The following CADPS variants were observed in gnomAD, a reference collection of about 807,000 sequenced individuals.
The protein encoded by CADPS is calcium-dependent secretion activator 1.
In CADPS, 57 loss-of-function variants were observed where a neutral mutation model predicts 167.3. That is an observed-to-expected ratio of 0.34 (90% CI 0.28 to 0.42). The LOEUF (loss-of-function observed/expected upper bound fraction) is 0.42. CADPS is among the 20% of genes least tolerant of loss of function. CADPS has a pLI of 1.00. For missense variants in CADPS, 1,414 were observed against 1,738.1 expected, an observed-to-expected ratio of 0.81 and a Z score of 3.32; for synonymous variants, 676 against 635.3, an observed-to-expected ratio of 1.06 and a Z score of -0.96.
chr3:62,419,732 G>T (rs1271245072), intron 28 of CADPS, among the ~76,000 whole-genome samples: 1 of 151,974 alleles, frequency 6.6e-6, no homozygotes, highest in East Asian at 1.9e-4. Context: ...GCATTAATTC[G>T]CAAGCAGATT....
rs749894879 is a variant in CADPS at position 62,399,552 on chromosome 3, G to C, written c.3916C>G (p.Leu1306Val). 6.2e-7 allele frequency: 1 copy of C among 1,614,048 alleles called. No homozygotes were observed. The highest frequency in any genetic ancestry group is 8.5e-7 in the Non-Finnish European group (1 of 1,179,942). ...GTCTTGCTGTTTAAGGTGGAGTCCA[G>C]GACCCCTTGCAATCGGAAATCTCTG... The part of the protein sequence containing the change: ...TYRDFRLQGV[L>V]DSTLNSKTYE... The change falls in exon 30 of 30, where the codon CTG (leucine) becomes GTG (valine). Residue 1306 changes from leucine to valine, a missense_variant. Around this residue, in one of 6 missense-constraint regions of CADPS, gnomAD observed 185 missense variants for 251.5 expected, o/e 0.74. Coordinates refer to ENST00000383710, the MANE Select transcript of CADPS (RefSeq NM_003716.4). This position sits in a 1 kb window ranked among gnomAD's most constrained non-coding sequence, Gnocchi z 5.6.
At position 62,861,348 on chromosome 3, in the gene CADPS, T is replaced by TA. The variant is rs112791457; in HGVS notation, c.441+13240dup. On this transcript the variant is annotated intron_variant, in intron 1 of 29. Transcript: ENST00000383710. Reference sequence around the variant, plus strand: ...CCTTGCTTTACATTTTTAGAATTTGTAAAAAAAAATGAACATTCATAGCCC... The same window carrying TA: ...CCTTGCTTTACATTTTTAGAATTTGTAAAAAAAAAATGAACATTCATAGCCC... Among the ~76,000 whole-genome samples the TA allele has an allele frequency of 3.7e-3, 557 of 151,216 alleles. 5 individuals carry two copies. Among genetic ancestry groups the TA allele is most frequent in the African/African-American group, 0.011 (455 of 41,204 alleles).
At chr3:62,585,516 G>C (rs1014139141) in intron 7 of CADPS, among the ~76,000 whole-genome samples, 192 bp from the exon 8 acceptor site, 2 of 152,118 alleles carry the variant, frequency 1.3e-5, no homozygotes, top group Admixed American at 1.3e-4. Context: ...CTGTAATTCT[G>C]TGATGATTCT....
At chr3:62,839,199 G>C (rs1577123408) in intron 1 of CADPS, among the ~76,000 whole-genome samples, 1 of 152,034 alleles carries the variant, frequency 6.6e-6, no homozygotes, top group African/African-American at 2.4e-5. Flanking sequence ...GGACTATTTT[G>C]TTGTTGTTTT....
Position 62,790,712 on chromosome 3 carries a change from T to C in CADPS, c.442-24728A>G, listed in dbSNP as rs116467098. On this transcript the variant is annotated intron_variant, in intron 1 of 29. Coordinates refer to ENST00000383710, the MANE Select transcript of CADPS (RefSeq NM_003716.4). ...TGATTTTTAAGGATATTGTCAATGA[T>C]CAAAAGTTATTTTCCTTGCTCTATT... Among the ~76,000 whole-genome samples, 788 of 152,292 alleles carry C rather than the reference T, an allele frequency of 5.2e-3. 12 individuals carry two copies. Among genetic ancestry groups the C allele is most frequent in the African/African-American group, 0.018 (738 of 41,556 alleles).
chr3:62,556,777 G>T lies in CADPS; in HGVS notation c.1753+628C>A, dbSNP rs144694327. Among the ~76,000 whole-genome samples, 16 of 151,708 alleles carry T rather than the reference G, an allele frequency of 1.1e-4. No homozygotes were observed. The East Asian group carries it at 2.5e-3, about 24-fold the overall frequency. ...TGTAGAACTTTTAAGAAATACTACC[G>T]CTCGTGTAGTTTTCTTAGCTACATA... On this transcript the variant is annotated intron_variant, in intron 10 of 29. Coordinates refer to ENST00000383710, the MANE Select transcript of CADPS (RefSeq NM_003716.4).
intron 1 of CADPS, among the ~76,000 whole-genome samples, chr3:62,820,861 T>C (rs1029987099): frequency 8.0e-5 from 12 of 150,128 alleles, no homozygotes; most frequent in Non-Finnish European, 1.8e-4. Flanking sequence ...AGTGCAGTGG[T>C]GCGATCTTGG....
At chr3:62,642,498 A>C (rs994211344) in intron 6 of CADPS, among the ~76,000 whole-genome samples, 1 of 152,190 alleles carries the variant, frequency 6.6e-6, no homozygotes, top group African/African-American at 2.4e-5. Flanking sequence ...GGAGAAAAGG[A>C]GAAGAAATAA....
chr3:62,745,756 A>G (rs2081317731), intron 3 of CADPS, among the ~76,000 whole-genome samples: 1 of 152,224 alleles, frequency 6.6e-6, no homozygotes, highest in South Asian at 2.1e-4. Flanking sequence ...AAGCTCCTTG[A>G]GGCCATAACT....
chr3:62,638,077 T>TTATCTATATATA (rs2066664155), intron 6 of CADPS, among the ~76,000 whole-genome samples: 1 of 36,766 alleles, frequency 2.7e-5, no homozygotes, highest in Admixed American at 4.6e-4. Context: ...GTTTTAAGCA[T>TTATCTATATATA]TATATATATA....
intron 3 of CADPS, among the ~76,000 whole-genome samples, chr3:62,738,447 T>C (rs2079465799): frequency 6.6e-6 from 1 of 151,978 alleles, no homozygotes; most frequent in Admixed American, 6.6e-5. Context: ...ATTGATGCAT[T>C]GTGTGGTGTC....
At chr3:62,541,288 T>A (rs145949099) in intron 11 of CADPS, among the ~76,000 whole-genome samples, 1 of 152,196 alleles carries the variant, frequency 6.6e-6, no homozygotes, top group Non-Finnish European at 1.5e-5. Context: ...CAGTGAGCTA[T>A]ATGATTTTAT....
intron 3 of CADPS, among the ~76,000 whole-genome samples, chr3:62,750,120 G>T (rs1393691264): frequency 1.3e-5 from 2 of 152,046 alleles, no homozygotes; most frequent in East Asian, 3.9e-4. Flanking sequence ...GGGAGGCCGA[G>T]GTGGGTGGGT....
At chr3:62,552,354 T>G (rs2077452084) in intron 10 of CADPS, among the ~76,000 whole-genome samples, 1 of 152,120 alleles carries the variant, frequency 6.6e-6, no homozygotes, top group South Asian at 2.1e-4. Context: ...GTTGTGCACA[T>G]GTACCCTAAA....
In CADPS at chr3:62,638,033, A is replaced by C. The variant is rs148446223; in HGVS notation, c.1325+7689T>G. On this transcript the variant is annotated intron_variant, in intron 6 of 29. Transcript: ENST00000383710. The stretch of plus-strand genomic sequence containing the variant: ...TAAACAAGAATAAAGCCATGATTAC[A>C]ATAGTCAATAGGACTACTATCTGCC... 1.5e-4 allele frequency among the ~76,000 whole-genome samples: 22 copies of C among 151,662 alleles called. 1 individual carries two copies. In the East Asian group the frequency reaches 3.1e-3, roughly 21 times the overall value.
intron 6 of CADPS, among the ~76,000 whole-genome samples, chr3:62,593,447 C>G (rs1023504586): frequency 1.3e-5 from 2 of 152,194 alleles, no homozygotes; most frequent in Non-Finnish European, 2.9e-5. Context: ...TCAAATGCAG[C>G]CTCTTCATTC....
intron 28 of CADPS, among the ~76,000 whole-genome samples, chr3:62,418,296 T>C (rs2050558835): frequency 6.6e-6 from 1 of 150,854 alleles, no homozygotes; most frequent in South Asian, 2.1e-4. Flanking sequence ...ATGGGTTACA[T>C]GTTTTCTTTT....
intron 1 of CADPS, among the ~76,000 whole-genome samples, chr3:62,819,407 CGTGTGTGTGTGT>C (rs3047244): frequency 1.2e-4 from 18 of 144,074 alleles, no homozygotes; most frequent in South Asian, 2.3e-4. Context: ...AATCTGTGTG[CGTGTGTGTGTGT>C]GTGTGTGTGT....
At chr3:62,590,212 G>A (rs2085635939) in intron 7 of CADPS, among the ~76,000 whole-genome samples, 1 of 151,048 alleles carries the variant, frequency 6.6e-6, no homozygotes, top group Non-Finnish European at 1.5e-5. Flanking sequence ...AAAAATTCCA[G>A]GGCATCCTGG....
Sources: gnomAD v4.1 joint callset for allele counts (sites outside exome capture counted in the v4.1 genomes callset) on GRCh38, gnomAD v4.1.1 for gene constraint, gnomAD v4.1.1 regional missense constraint, Gnocchi (gnomAD v3.1) non-coding constraint, MANE v1.5 for transcripts, NCBI Gene and HGNC (gene_info 2026-07-23, HGNC 2026-07-21) for gene names.